Variants in SEPTIN11 observed in about 807,000 individuals in gnomAD.
SEPTIN11 encodes the protein septin 11, also known as septin-11.
Under a neutral mutation model 51.4 loss-of-function variants are expected in SEPTIN11, and 25 were observed. That is an observed-to-expected ratio of 0.49 (90% CI 0.35 to 0.68). The LOEUF (loss-of-function observed/expected upper bound fraction) is 0.68. Ranked by LOEUF, SEPTIN11 falls within the 30% of genes least tolerant of loss-of-function variation. The pLI is 0.00. For missense variants in SEPTIN11, 381 were observed against 520.8 expected (o/e 0.73, Z 2.61); for synonymous variants, 174 against 184.1 (o/e 0.95, Z 0.44).
At chr4:76,985,797 C>A (rs950558747) in intron 1 of SEPTIN11, among the ~76,000 whole-genome samples, 4 of 152,192 alleles carry the variant, frequency 2.6e-5, no homozygotes, top group Non-Finnish European at 4.4e-5. Flanking sequence ...GTACCTGTTT[C>A]CTTATCTGAA....
At chr4:76,987,983 C>T (rs1196088658) in intron 1 of SEPTIN11, 2 of 207,598 alleles carry the variant, frequency 9.6e-6, no homozygotes, top group South Asian at 1.7e-4. Flanking sequence ...GGTTTCATCT[C>T]AGCTCTCTTT....
intron 2 of SEPTIN11, among the ~76,000 whole-genome samples, chr4:77,003,196 C>A (rs1008813668): frequency 5.3e-5 from 8 of 152,236 alleles, no homozygotes; most frequent in African/African-American, 1.7e-4. Flanking sequence ...AGATAGACCA[C>A]TCTCCAATGT....
intron 1 of SEPTIN11, among the ~76,000 whole-genome samples, chr4:76,969,956 AT>A (rs1455227089): frequency 6.6e-6 from 1 of 152,036 alleles, no homozygotes; most frequent in African/African-American, 2.4e-5. Context: ...GACTAAATCT[AT>A]TTTTTCTCTC....
intron 1 of SEPTIN11, chr4:76,959,130 C>A (rs1721698930): frequency 8.4e-6 from 5 of 593,974 alleles, no homozygotes; most frequent in Non-Finnish European, 1.6e-5. Context: ...GTGTCCAAGG[C>A]TTCCTGAAAA....
At chr4:77,027,775 G>A (rs1308042310) in intron 7 of SEPTIN11, among the ~76,000 whole-genome samples, 1 of 152,114 alleles carries the variant, frequency 6.6e-6, no homozygotes, top group African/African-American at 2.4e-5. Context: ...CAGTGGGGGT[G>A]TATTTTCTTA....
chr4:77,017,262 T>A (rs1480451839), intron 5 of SEPTIN11, among the ~76,000 whole-genome samples: 1 of 152,238 alleles, frequency 6.6e-6, no homozygotes, highest in East Asian at 1.9e-4. Context: ...TCTCTTTCTC[T>A]CTTTATCAGA....
intron 2 of SEPTIN11, among the ~76,000 whole-genome samples, chr4:77,002,580 C>G (rs1211095790): frequency 6.6e-6 from 1 of 152,170 alleles, no homozygotes; most frequent in African/African-American, 2.4e-5. Context: ...GTAGCATGTA[C>G]TTAAAATGAC....
At chr4:77,005,917 C>T in intron 3 of SEPTIN11, 121 bp downstream of exon 3, 1 of 830,324 alleles carries the variant, frequency 1.2e-6, no homozygotes, top group Non-Finnish European at 1.9e-6. Context: ...TCCTCTATTG[C>T]CTAAAAGGTG....
At chr4:77,027,620 C>A (rs1168822065) in intron 7 of SEPTIN11, among the ~76,000 whole-genome samples, 1 of 152,166 alleles carries the variant, frequency 6.6e-6, no homozygotes, top group Non-Finnish European at 1.5e-5. Context: ...GTAGTCTACA[C>A]TTTGGATGAA....
chr4:77,037,110 C>G lies in SEPTIN11; in HGVS notation c.*2598C>G. On this transcript the variant is annotated 3_prime_UTR_variant, in exon 10 of 10. Coordinates refer to ENST00000264893, the MANE Select transcript of SEPTIN11 (RefSeq NM_018243.4). ...GGTGTGGTGGCTCATGCCTGTAATC[C>G]CAGCACTTTGAGAGGCCGAGGTGGG... 1 of 1,034,556 alleles carries G rather than the reference C, an allele frequency of 9.7e-7. No homozygotes were observed. The highest frequency in any genetic ancestry group is 4.1e-5 in the South Asian group (1 of 24,266). The allele number at this position is 1,034,556 out of a possible 1,614,324, so 64.1% of individuals were successfully genotyped here.
chr4:76,956,062 C>T (rs1371444034), intron 1 of SEPTIN11, among the ~76,000 whole-genome samples: 1 of 152,114 alleles, frequency 6.6e-6, no homozygotes, highest in Non-Finnish European at 1.5e-5. Flanking sequence ...TTACTTAAGA[C>T]TTCATGCTGT....
intron 1 of SEPTIN11, among the ~76,000 whole-genome samples, chr4:76,956,854 G>C: frequency 6.6e-6 from 1 of 152,066 alleles, no homozygotes; most frequent in East Asian, 1.9e-4. Context: ...CCTAGTCAAG[G>C]AATCTACTAT....
Position 77,027,856 on chromosome 4 carries a change from A to T in SEPTIN11, c.954-773A>T, listed in dbSNP as rs150382131. On this transcript the variant is annotated intron_variant, in intron 7 of 9. Coordinates refer to ENST00000264893, the MANE Select transcript of SEPTIN11 (RefSeq NM_018243.4). The stretch of plus-strand genomic sequence containing the variant: ...CTTAGAGATAAAGCTGAGCTGTAGC[A>T]TTCAATGTAGAATATTGGGCTCTAA... Among the ~76,000 whole-genome samples the T allele has an allele frequency of 1.8e-4, 27 of 152,366 alleles. No homozygotes were observed. In the East Asian group the frequency reaches 5.2e-3, roughly 29 times the overall value.
intron 1 of SEPTIN11, among the ~76,000 whole-genome samples, chr4:76,982,293 C>A (rs1351666679): frequency 6.6e-6 from 1 of 151,956 alleles, no homozygotes; most frequent in African/African-American, 2.4e-5. Context: ...TCATTGTAAC[C>A]TCCGCCTCCT....
intron 1 of SEPTIN11, chr4:76,973,022 G>C (rs150918663): frequency 2.8e-4 from 42 of 152,244 alleles, no homozygotes; most frequent in African/African-American, 1.0e-3. Flanking sequence ...GCCCAAATGT[G>C]ATGTTACACA....
In SEPTIN11 at chr4:77,017,100, A is replaced by G. The variant is rs115544333; in HGVS notation, c.688-2065A>G. On this transcript the variant is annotated intron_variant, in intron 5 of 9. Coordinates refer to ENST00000264893, the MANE Select transcript of SEPTIN11 (RefSeq NM_018243.4). ...TTCTGCTGTAGAACTGTAATTTGGGATGTCAGTGTGGGATTCAGGAAGTAT... is the reference window on the plus strand; with the variant it reads ...TTCTGCTGTAGAACTGTAATTTGGGGTGTCAGTGTGGGATTCAGGAAGTAT... 7.4e-3 allele frequency among the ~76,000 whole-genome samples: 1,130 copies of G among 152,166 alleles called. 10 individuals are homozygous for G. The highest frequency in any genetic ancestry group is 0.026 in the African/African-American group (1,066 of 41,486).
chr4:77,038,578 C>G lies in SEPTIN11; in HGVS notation c.*4066C>G. 1.0e-6 allele frequency: 1 copy of G among 995,066 alleles called. No individual in the cohort carries two copies. Among genetic ancestry groups the G allele is most frequent in the African/African-American group, 1.7e-5 (1 of 57,424 alleles). The allele number at this position is 995,066 out of a possible 1,614,324, so 61.6% of individuals were successfully genotyped here. A position where few individuals can be genotyped will look rare whatever the true frequency, so the allele number is the denominator to read the frequency against. On this transcript the variant is annotated 3_prime_UTR_variant, in exon 10 of 10. Transcript: ENST00000264893. The stretch of plus-strand genomic sequence containing the variant: ...TATGCATATATCACTAGTGCCAAGA[C>G]ATAAAGCGGGGGAAAATATATTTTT...
chr4:77,010,458 C>T (rs1432988744), intron 3 of SEPTIN11, among the ~76,000 whole-genome samples: 1 of 140,588 alleles, frequency 7.1e-6, no homozygotes, highest in Non-Finnish European at 1.6e-5. Flanking sequence ...TACATCCTAC[C>T]TTTTTTTTTT....
At chr4:77,014,159 G>C (rs1725059104) in intron 4 of SEPTIN11, among the ~76,000 whole-genome samples, 1 of 152,108 alleles carries the variant, frequency 6.6e-6, no homozygotes, top group South Asian at 2.1e-4. Context: ...ATTTTATTCT[G>C]GCATGAAGGA....
Sources: gnomAD v4.1 joint callset for allele counts (sites outside exome capture counted in the v4.1 genomes callset) on GRCh38, gnomAD v4.1.1 for gene constraint, MANE v1.5 for transcripts, NCBI Gene and HGNC (gene_info 2026-07-23, HGNC 2026-07-21) for gene names.